The following CLMP variants were observed in gnomAD, a reference collection of about 807,000 sequenced individuals.
CLMP encodes CXADR like cell adhesion molecule.
In CLMP, 27 loss-of-function variants were observed where a neutral mutation model predicts 45.2. The ratio of observed to expected loss-of-function variants is 0.60; its 90% CI spans 0.44 to 0.82. The LOEUF is 0.82. CLMP is among the 40% of genes least tolerant of loss of function. CLMP has a pLI of 0.00. For missense variants in CLMP, 403 were observed against 448.4 expected (o/e 0.90, Z 0.91); for synonymous variants, 167 against 171.4 (o/e 0.97, Z 0.20).
chr11:123,117,311 G>A (rs1012352880), intron 1 of CLMP, among the ~76,000 whole-genome samples: 2 of 152,040 alleles, frequency 1.3e-5, no homozygotes, highest in Non-Finnish European at 2.9e-5. Context: ...AGTAAAACCT[G>A]AGACTTAGAA....
At chr11:123,142,667 C>G (rs535215913) in intron 1 of CLMP, among the ~76,000 whole-genome samples, 1 of 131,666 alleles carries the variant, frequency 7.6e-6, no homozygotes, top group African/African-American at 3.2e-5. Flanking sequence ...GTGCCCAGGC[C>G]GGACTGCGGA....
Position 123,083,769 on chromosome 11 carries a change from G to A in CLMP, c.467C>T (p.Ser156Phe). The change falls in exon 4 of 7, where the codon TCC (serine) becomes TTC (phenylalanine). Residue 156 changes from serine to phenylalanine, a missense_variant. Physicochemically the swap from Ser to Phe is radical, Grantham distance 155 (BLOSUM62 -2). Transcript: ENST00000448775. ...ATACACAATGGGCTCTGTGCCAGAG[G>A]ATGACTCACACTGCAAAGTCAGGTC... ...GSDLTLQCES[S>F]SGTEPIVYYW... 2 of 1,613,982 alleles carry A rather than the reference G, an allele frequency of 1.2e-6. No homozygotes were observed. Among genetic ancestry groups the A allele is most frequent in the South Asian group, 1.1e-5 (1 of 91,068 alleles).
chr11:123,118,071 A>G (rs1860740885), intron 1 of CLMP, among the ~76,000 whole-genome samples: 1 of 144,716 alleles, frequency 6.9e-6, no homozygotes, highest in Non-Finnish European at 1.5e-5. Context: ...TTCATTTAAT[A>G]TACACTTTTT....
rs1865773481 is a variant in CLMP at position 123,079,167 on chromosome 11, A to G, written c.679+3918T>C. On this transcript the variant is annotated intron_variant, in intron 5 of 6. Coordinates refer to ENST00000448775, the MANE Select transcript of CLMP (RefSeq NM_024769.5). ...TTGTACACTTATCCTTCTTCTTTGT[A>G]TAAGTTTTACTTTAATATATTTACC... Among the ~76,000 whole-genome samples, 6 of 152,310 alleles carry G rather than the reference A, an allele frequency of 3.9e-5. 1 individual carries two copies. In the South Asian group the frequency reaches 1.0e-3, roughly 26 times the overall value.
intron 1 of CLMP, among the ~76,000 whole-genome samples, chr11:123,176,500 A>G (rs557452433): frequency 9.8e-5 from 15 of 152,328 alleles, no homozygotes; most frequent in African/African-American, 3.6e-4. Context: ...CCACTACTCC[A>G]CAGGCTTCCT....
chr11:123,173,603 T>G (rs989994414), intron 1 of CLMP, among the ~76,000 whole-genome samples: 2 of 152,230 alleles, frequency 1.3e-5, no homozygotes, highest in African/African-American at 4.8e-5. Context: ...TATACTAGTT[T>G]GTGACTTTGG....
chr11:123,144,956 T>G (rs1176123217), intron 1 of CLMP, among the ~76,000 whole-genome samples: 1 of 152,124 alleles, frequency 6.6e-6, no homozygotes. Flanking sequence ...AGCCACTACA[T>G]GTGGCAATGG....
intron 1 of CLMP, among the ~76,000 whole-genome samples, chr11:123,159,301 C>T (rs1018677305): frequency 1.3e-5 from 2 of 152,188 alleles, no homozygotes; most frequent in African/African-American, 2.4e-5. Context: ...AATTAGTCCA[C>T]GTGGGAGCTT....
Position 123,195,026 on chromosome 11 carries a change from C to G in CLMP, c.-86G>C. The G allele has an allele frequency of 2.9e-6, 4 of 1,379,766 alleles. No homozygotes were observed. In the South Asian group the frequency reaches 4.2e-5, roughly 15 times the overall value. 85.5% of individuals were successfully genotyped at this position (1,379,766 alleles called of 1,614,324 possible). On this transcript the variant is annotated 5_prime_UTR_variant, in exon 1 of 7. Coordinates refer to ENST00000448775, the MANE Select transcript of CLMP (RefSeq NM_024769.5). ...GCGCCTCCGACGGACCTCGGGCGAG[C>G]TGGGCGCGGCGCCTCGGGGTGCGCG...
intron 1 of CLMP, among the ~76,000 whole-genome samples, chr11:123,181,825 G>A (rs1238244087): frequency 1.3e-5 from 2 of 152,202 alleles, no homozygotes; most frequent in Non-Finnish European, 2.9e-5. Context: ...TTGTCTGGGT[G>A]GGATTAATAT....
intron 1 of CLMP, among the ~76,000 whole-genome samples, chr11:123,153,639 T>C (rs531348581): frequency 6.6e-6 from 1 of 152,292 alleles, no homozygotes; most frequent in East Asian, 1.9e-4. Context: ...ACTAATTATT[T>C]CCATTGCACG....
rs370456900 is a variant in CLMP at position 123,168,679 on chromosome 11, A to G, written c.28+26234T>C. On this transcript the variant is annotated intron_variant, in intron 1 of 6. Transcript: ENST00000448775. Reference sequence around the variant, plus strand: ...TCCTCTGCAATCGGATCCAGCAGCAACTCTTTCTTGTCCTGCCTCATCTCT... The same window carrying G: ...TCCTCTGCAATCGGATCCAGCAGCAGCTCTTTCTTGTCCTGCCTCATCTCT... Among the ~76,000 whole-genome samples the G allele has an allele frequency of 4.0e-5, 6 of 151,274 alleles. No homozygotes were observed. The East Asian group carries it at 9.8e-4, about 25-fold the overall frequency.
intron 1 of CLMP, among the ~76,000 whole-genome samples, chr11:123,150,544 G>GAAGGAAGGAAGGAAGGA (rs1392627654): frequency 7.4e-6 from 1 of 135,174 alleles, no homozygotes; most frequent in Admixed American, 7.5e-5. Context: ...AACAAGCAAG[G>GAAGGAAGGAAGGAAGGA]AAGGAAGGAA....
chr11:123,098,021 A>G (rs1234040257), intron 1 of CLMP, 69 bp from the exon 2 acceptor site: 45 of 1,301,272 alleles, frequency 3.5e-5, no homozygotes, highest in Admixed American at 5.2e-5. Flanking sequence ...CAAATATGAC[A>G]ACAAAGAATT....
chr11:123,150,471 G>GA (rs1185000049), intron 1 of CLMP, among the ~76,000 whole-genome samples: 1 of 103,416 alleles, frequency 9.7e-6, no homozygotes, highest in Non-Finnish European at 2.1e-5. Flanking sequence ...AAGAAAGAAA[G>GA]AAAGAAAGAA....
chr11:123,159,670 G>T (rs1015898330), intron 1 of CLMP, among the ~76,000 whole-genome samples: 1 of 152,200 alleles, frequency 6.6e-6, no homozygotes, highest in Non-Finnish European at 1.5e-5. Context: ...GGTGGCGGGA[G>T]GCCCAGGGGG....
intron 1 of CLMP, among the ~76,000 whole-genome samples, chr11:123,106,130 T>C (rs1053897409): frequency 2.0e-5 from 3 of 151,668 alleles, no homozygotes; most frequent in Non-Finnish European, 4.4e-5. Flanking sequence ...TGAGATTTTA[T>C]TGTGATTTTA....
In CLMP at chr11:123,195,007, C is replaced by T. The variant is rs1198938409; in HGVS notation, c.-67G>A. On this transcript the variant is annotated 5_prime_UTR_variant, in exon 1 of 7. Transcript: ENST00000448775. ...TTGGCTCCGGGGCGGCCGGGCGCCTCCGACGGACCTCGGGCGAGCTGGGCG... is the reference window on the plus strand; with the variant it reads ...TTGGCTCCGGGGCGGCCGGGCGCCTTCGACGGACCTCGGGCGAGCTGGGCG... 4 of 1,542,244 alleles carry T rather than the reference C, an allele frequency of 2.6e-6. No homozygotes were observed. The highest frequency in any genetic ancestry group is 3.5e-6 in the Non-Finnish European group (4 of 1,136,208).
chr11:123,113,046 T>A (rs1384284937), intron 1 of CLMP, among the ~76,000 whole-genome samples: 1 of 152,068 alleles, frequency 6.6e-6, no homozygotes, highest in Non-Finnish European at 1.5e-5. Context: ...GTACTGGGAT[T>A]ACAGGCGTGA....
Sources: allele counts gnomAD v4.1 joint callset (sites outside exome capture counted in the v4.1 genomes callset), GRCh38; gene constraint gnomAD v4.1.1; transcripts MANE v1.5; gene names NCBI Gene and HGNC (gene_info 2026-07-23, HGNC 2026-07-21).